COL21A1: variants seen among roughly 807,000 people sequenced by gnomAD.
COL21A1 encodes the protein collagen alpha-1(XXI) chain.
COL21A1 carries 149 observed loss-of-function variants against 137.9 expected under a neutral mutation model. The ratio of observed to expected loss-of-function variants is 1.08; its 90% CI spans 0.95 to 1.24. The LOEUF is 1.24. Among genes scored for constraint, COL21A1 ranks in the 50% most tolerant of loss-of-function variants. The pLI is 0.00. For synonymous variants in COL21A1, 456 were observed against 391.5 expected, an observed-to-expected ratio of 1.16 and a Z score of -1.95; for missense variants, 1,167 against 1,158.4, an observed-to-expected ratio of 1.01 and a Z score of -0.11.
chr6:56,133,485 C>A (rs1773732145), intron 12 of COL21A1, among the ~76,000 whole-genome samples: 1 of 152,076 alleles, frequency 6.6e-6, no homozygotes, highest in Admixed American at 6.6e-5. Flanking sequence ...AAATTTGCAG[C>A]CTGATAATGT....
intron 1 of COL21A1, among the ~76,000 whole-genome samples, chr6:56,389,089 G>T (rs558160654): frequency 2.0e-5 from 3 of 152,292 alleles, no homozygotes; most frequent in Admixed American, 2.0e-4. Context: ...GAGGCTGGGC[G>T]TGGTGGCTCA....
chr6:56,168,648 C>T (rs765750401), intron 5 of COL21A1, among the ~76,000 whole-genome samples: 3 of 152,008 alleles, frequency 2.0e-5, no homozygotes, highest in African/African-American at 7.2e-5. Context: ...CATAACTAAT[C>T]AATCTTCCTT....
intron 1 of COL21A1, among the ~76,000 whole-genome samples, chr6:56,191,245 C>A (rs1778652650): frequency 6.6e-6 from 1 of 152,160 alleles, no homozygotes; most frequent in Non-Finnish European, 1.5e-5. Flanking sequence ...CTGGTAAGCA[C>A]TTCAGCAAAG....
In COL21A1 at chr6:56,128,374, A is replaced by G. The variant is rs1483649268; in HGVS notation, c.1543-2225T>C. Reference sequence around the variant, plus strand: ...CAAGACTTTCTGTTTGTTGATCTTTAACGTTCCTGTGATATTTGGTGATTC... The same window carrying G: ...CAAGACTTTCTGTTTGTTGATCTTTGACGTTCCTGTGATATTTGGTGATTC... On this transcript the variant is annotated intron_variant, in intron 12 of 29. Coordinates refer to ENST00000244728, the MANE Select transcript of COL21A1 (RefSeq NM_030820.4). 4.6e-5 allele frequency among the ~76,000 whole-genome samples: 7 copies of G among 152,196 alleles called. 1 individual carries two copies. The highest frequency in any genetic ancestry group is 6.8e-3 in the Middle Eastern group (2 of 294).
intron 1 of COL21A1, among the ~76,000 whole-genome samples, chr6:56,361,740 A>G (rs1765970917): frequency 6.6e-6 from 1 of 152,074 alleles, no homozygotes; most frequent in Admixed American, 6.5e-5. Context: ...TGGGGTTATG[A>G]GTGATGGCTG....
At chr6:56,298,234 A>G (rs963126577) in intron 1 of COL21A1, among the ~76,000 whole-genome samples, 13 of 152,140 alleles carry the variant, frequency 8.5e-5, no homozygotes, top group Non-Finnish European at 1.6e-4. Context: ...GATGTTGACT[A>G]GAATTAATGT....
intron 12 of COL21A1, among the ~76,000 whole-genome samples, chr6:56,131,489 A>T (rs1224958496): frequency 6.6e-6 from 1 of 151,992 alleles, no homozygotes; most frequent in Non-Finnish European, 1.5e-5. Flanking sequence ...GCTTTTAAAA[A>T]ATAAAAGTCC....
In COL21A1 at chr6:56,157,821, G is replaced by A. The variant is rs541042331; in HGVS notation, c.1372-872C>T. Among the ~76,000 whole-genome samples, 7 of 152,276 alleles carry A rather than the reference G, an allele frequency of 4.6e-5. No homozygotes were observed. In the South Asian group the frequency reaches 1.5e-3, roughly 32 times the overall value. ...TCTCAGATTAACATAATATTACTATGAGAGCAAGGCCCAGGCCAAACAACC... is the reference window on the plus strand; with the variant it reads ...TCTCAGATTAACATAATATTACTATAAGAGCAAGGCCCAGGCCAAACAACC... On this transcript the variant is annotated intron_variant, in intron 9 of 29. Coordinates refer to ENST00000244728, the MANE Select transcript of COL21A1 (RefSeq NM_030820.4).
intron 1 of COL21A1, among the ~76,000 whole-genome samples, chr6:56,215,877 GTCA>G (rs1336783572): frequency 6.6e-6 from 1 of 152,028 alleles, no homozygotes; most frequent in Non-Finnish European, 1.5e-5. Context: ...ATTGCAAGCA[GTCA>G]TCTGTCATTT....
At chr6:56,139,716 C>T (rs1245594896) in intron 12 of COL21A1, among the ~76,000 whole-genome samples, 1 of 152,100 alleles carries the variant, frequency 6.6e-6, no homozygotes, top group Non-Finnish European at 1.5e-5. Context: ...TTATGACTGA[C>T]TCTATAACAG....
intron 12 of COL21A1, among the ~76,000 whole-genome samples, chr6:56,128,434 A>G (rs573347027): frequency 1.3e-5 from 2 of 152,230 alleles, no homozygotes; most frequent in South Asian, 2.1e-4. Flanking sequence ...TGATAGGAGA[A>G]TCTCTCCGTG....
At chr6:56,217,072 G>GAAAATATAT (rs1780531087) in intron 1 of COL21A1, among the ~76,000 whole-genome samples, 1 of 152,068 alleles carries the variant, frequency 6.6e-6, no homozygotes, top group Admixed American at 6.6e-5. Context: ...CTTTTAAGGT[G>GAAAATATAT]TAGAGTTTGG....
intron 1 of COL21A1, among the ~76,000 whole-genome samples, chr6:56,314,841 A>T (rs891108248): frequency 1.3e-5 from 2 of 152,206 alleles, no homozygotes; most frequent in Non-Finnish European, 2.9e-5. Context: ...ATTAGCGGAG[A>T]AAGTTGCAGT....
In COL21A1 at chr6:56,390,892, T is replaced by A. The variant is rs2094028307; in HGVS notation, c.-39+3079A>T. On this transcript the variant is annotated intron_variant, in intron 1 of 28. Transcript: ENST00000370819. ...ATTGTTGGGAACCTCAACCACCTAC[T>A]TTTAGCATTGGACAAATCATCCAGA... Among the ~76,000 whole-genome samples, 2 of 152,150 alleles carry A rather than the reference T, an allele frequency of 1.3e-5. 1 individual carries two copies. The highest frequency in any genetic ancestry group is 4.1e-4 in the South Asian group (2 of 4,824).
At chr6:56,059,646 A>AT in intron 28 of COL21A1, among the ~76,000 whole-genome samples, 1 of 152,222 alleles carries the variant, frequency 6.6e-6, no homozygotes, top group Non-Finnish European at 1.5e-5. Flanking sequence ...CACAAAACTT[A>AT]TTTTTTCCTA....
chr6:56,249,182 T>A (rs185999146), upstream of COL21A1, among the ~76,000 whole-genome samples: 8 of 152,348 alleles, frequency 5.3e-5, no homozygotes, highest in East Asian at 1.5e-3. Flanking sequence ...AGATACACTT[T>A]ATACCACTAG....
intron 1 of COL21A1, among the ~76,000 whole-genome samples, chr6:56,369,499 A>G (rs1468142673): frequency 6.6e-6 from 1 of 152,146 alleles, no homozygotes; most frequent in East Asian, 1.9e-4. Context: ...ACATAAAGGT[A>G]GAAAAAAAAT....
chr6:56,078,061 A>T lies in COL21A1; in HGVS notation c.1813-488T>A, dbSNP rs182310194. 2.6e-3 allele frequency: 1,178 copies of T among 455,642 alleles called. 1 individual carries two copies. The highest frequency in any genetic ancestry group is 7.8e-3 in the Middle Eastern group (24 of 3,066). The allele number at this position is 455,642 out of a possible 1,614,324, so 28.2% of individuals were successfully genotyped here. A position where few individuals can be genotyped will look rare whatever the true frequency, so the allele number is the denominator to read the frequency against. Reference sequence around the variant, plus strand: ...AAGAACCTAAATATTCATATAAAAAATGGCAATCTTTTCTCTTAATAACTC... The same window carrying T: ...AAGAACCTAAATATTCATATAAAAATTGGCAATCTTTTCTCTTAATAACTC... On this transcript the variant is annotated intron_variant, in intron 17 of 29. Coordinates refer to ENST00000244728, the MANE Select transcript of COL21A1 (RefSeq NM_030820.4).
chr6:56,179,599 T>C lies in COL21A1; in HGVS notation c.619A>G (p.Met207Val). The change falls in exon 3 of 30, where the codon ATG (methionine) becomes GTG (valine). Residue 207 changes from methionine (M) to valine (V), a missense_variant. Met to Val is a conservative substitution (Grantham distance 21). Coordinates refer to ENST00000244728, the MANE Select transcript of COL21A1 (RefSeq NM_030820.4). ...TTACCTTCACAAAGTTTCTGCTTCA[T>C]CACTTCCCTTATTTTGGATATTGCA... ...YIAISKIREV[M>V]KQKLCEESVC... The C allele has an allele frequency of 6.2e-7, 1 of 1,610,238 alleles. No homozygotes were observed. Among genetic ancestry groups the C allele is most frequent in the Non-Finnish European group, 8.5e-7 (1 of 1,176,996 alleles).
Sources: allele counts gnomAD v4.1 joint callset (sites outside exome capture counted in the v4.1 genomes callset), GRCh38; gene constraint gnomAD v4.1.1; transcripts MANE v1.5; gene names NCBI Gene and HGNC (gene_info 2026-07-23, HGNC 2026-07-21).